The following PLB1 variants were observed in gnomAD, a reference collection of about 807,000 sequenced individuals.
PLB1 encodes the protein phospholipase B1, membrane-associated.
A neutral mutation model predicts 227.4 loss-of-function variants in PLB1; 242 were observed. The observed-to-expected ratio is 1.06, with a 90% CI of 0.96 to 1.18. PLB1 has a LOEUF of 1.18. Among genes scored for constraint, PLB1 ranks in the 50% most tolerant of loss-of-function variants. The probability of loss-of-function intolerance (pLI) is 0.00; values close to 1 mark genes in which losing one functional copy is unlikely to be tolerated. For synonymous variants in PLB1, 757 were observed against 682.2 expected (o/e 1.11, Z -1.71); for missense variants, 1,858 against 1,816.3 (o/e 1.02, Z -0.42).
rs1690161085 is a variant in PLB1 at position 28,643,187 on chromosome 2, C to T, written c.*126C>T. 2.3e-6 allele frequency: 2 copies of T among 882,982 alleles called. No homozygotes were observed. The highest frequency in any genetic ancestry group is 3.4e-6 in the Non-Finnish European group (2 of 592,826). The allele number at this position is 882,982 out of a possible 1,614,324, so 54.7% of individuals were successfully genotyped here. ...TGCCATAGGAAGCCCAGGGGACAGT[C>T]ACAACTTCTTGGGGCCTGGGCTTCT... On this transcript the variant is annotated 3_prime_UTR_variant, in exon 58 of 58. Transcript: ENST00000327757.
chr2:28,634,044 T>TA (rs1689011908), intron 56 of PLB1, among the ~76,000 whole-genome samples: 1 of 152,218 alleles, frequency 6.6e-6, no homozygotes, highest in South Asian at 2.1e-4. Flanking sequence ...TCTCCTTAGC[T>TA]ATACCATCTC....
chr2:28,498,050 C>T (rs921854420), intron 1 of PLB1, among the ~76,000 whole-genome samples: 1 of 151,586 alleles, frequency 6.6e-6, no homozygotes, highest in African/African-American at 2.4e-5. Flanking sequence ...TTTAAATCTT[C>T]CTTTATGGTT....
chr2:28,518,639 C>A, intron 3 of PLB1, 107 bp downstream of exon 3: 1 of 756,562 alleles, frequency 1.3e-6, no homozygotes, highest in South Asian at 1.6e-5. Flanking sequence ...CCTTCAAGTC[C>A]TCCTCTTCCT....
chr2:28,594,312 G>A (rs899630408), intron 33 of PLB1: 16 of 249,276 alleles, frequency 6.4e-5, no homozygotes, highest in African/African-American at 2.2e-5. Flanking sequence ...CCCGAACACG[G>A]AAGTGGAGAA....
At chr2:28,531,100 C>T (rs1670949443) in intron 8 of PLB1, among the ~76,000 whole-genome samples, 1 of 152,156 alleles carries the variant, frequency 6.6e-6, no homozygotes, top group Non-Finnish European at 1.5e-5. Flanking sequence ...TTTCTGGTTA[C>T]ACAAGAAATG....
At chr2:28,528,170 C>T (rs1034929057) in intron 6 of PLB1, among the ~76,000 whole-genome samples, 3 of 152,222 alleles carry the variant, frequency 2.0e-5, no homozygotes, top group Non-Finnish European at 2.9e-5. Flanking sequence ...GCTCTCCCAC[C>T]CGCACCCTGC....
At chr2:28,517,575 C>T (rs1056673328) in intron 2 of PLB1, among the ~76,000 whole-genome samples, 1 of 152,046 alleles carries the variant, frequency 6.6e-6, no homozygotes. Flanking sequence ...AACAAATAAA[C>T]ATAATGCCTC....
intron 21 of PLB1, among the ~76,000 whole-genome samples, chr2:28,576,140 A>C (rs1678887785): frequency 6.6e-6 from 1 of 152,202 alleles, no homozygotes; most frequent in Non-Finnish European, 1.5e-5. Context: ...TCTTTCATGC[A>C]AGCAATCCAA....
At chr2:28,574,885 T>C (rs1678667877) in intron 21 of PLB1, among the ~76,000 whole-genome samples, 1 of 152,234 alleles carries the variant, frequency 6.6e-6, no homozygotes, top group South Asian at 2.1e-4. Flanking sequence ...CCATGGTGTA[T>C]ATATACCACA....
intron 41 of PLB1, among the ~76,000 whole-genome samples, chr2:28,605,569 C>G (rs548531619): frequency 4.6e-5 from 7 of 152,122 alleles, no homozygotes; most frequent in African/African-American, 1.7e-4. Flanking sequence ...GGCATGGCCT[C>G]GGGCATTACA....
intron 56 of PLB1, among the ~76,000 whole-genome samples, chr2:28,640,284 C>T (rs563564429): frequency 3.3e-5 from 5 of 152,198 alleles, no homozygotes; most frequent in East Asian, 3.9e-4. Context: ...TAAAAGGTGC[C>T]GGGGAGGGGG....
chr2:28,509,078 A>T (rs1667947320), intron 1 of PLB1, among the ~76,000 whole-genome samples: 1 of 152,166 alleles, frequency 6.6e-6, no homozygotes, highest in Non-Finnish European at 1.5e-5. Flanking sequence ...CATTTTATAG[A>T]TGAGGAAGTC....
rs555805562 is a variant in PLB1, at chr2:28,498,008, C to T, written c.55+1839C>T. On this transcript the variant is annotated intron_variant, in intron 1 of 57. Transcript: ENST00000327757. ...AGCTGGGATTACAGGTGTGAGCCAC[C>T]GTGCCCGGCCTTTATTCTTAAGTAT... Among the ~76,000 whole-genome samples the T allele has an allele frequency of 9.9e-4, 151 of 151,832 alleles. 2 individuals carry two copies. The highest frequency in any genetic ancestry group is 6.8e-3 in the Middle Eastern group (2 of 292).
rs548429504 is a variant in PLB1, at chr2:28,601,069, C to T, written c.2527-183C>T. On this transcript the variant is annotated intron_variant, in intron 36 of 57. Coordinates refer to ENST00000327757, the MANE Select transcript of PLB1 (RefSeq NM_153021.5). Reference sequence around the variant, plus strand: ...TGCTGGGTACAGCGACACTGAAAATCCCTCCTGATGCTAAGAGTCTGTGGT... The same window carrying T: ...TGCTGGGTACAGCGACACTGAAAATTCCTCCTGATGCTAAGAGTCTGTGGT... Among the ~76,000 whole-genome samples the T allele has an allele frequency of 6.0e-4, 92 of 152,180 alleles. No individual in the cohort carries two copies. In the South Asian group the frequency reaches 9.1e-3, roughly 15 times the overall value.
At chr2:28,575,064 T>C (rs1405635534) in intron 21 of PLB1, among the ~76,000 whole-genome samples, 4 of 152,246 alleles carry the variant, frequency 2.6e-5, no homozygotes, top group Non-Finnish European at 5.9e-5. Context: ...ATGGTGGTTC[T>C]ACTTTCAGTC....
At chr2:28,573,756 G>A (rs1004231117) in intron 21 of PLB1, among the ~76,000 whole-genome samples, 2 of 152,178 alleles carry the variant, frequency 1.3e-5, no homozygotes, top group African/African-American at 4.8e-5. Flanking sequence ...TACGAGCCCG[G>A]TTTCCTCCCT....
intron 52 of PLB1, 108 bp downstream of exon 52, chr2:28,628,736 T>G: frequency 9.1e-7 from 1 of 1,098,976 alleles, no homozygotes; most frequent in Non-Finnish European, 1.4e-6. Context: ...CCGCCATGAG[T>G]GAGCACCTGG....
intron 1 of PLB1, among the ~76,000 whole-genome samples, chr2:28,513,034 C>T (rs1165759337): frequency 1.3e-5 from 2 of 152,152 alleles, no homozygotes; most frequent in Non-Finnish European, 2.9e-5. Flanking sequence ...GGGTACAAAA[C>T]ATGAGCTGGA....
chr2:28,500,751 AAAAAG>A (rs60094661), intron 1 of PLB1, among the ~76,000 whole-genome samples: 1,609 of 152,260 alleles, frequency 0.011, 43 homozygotes, highest in East Asian at 0.1. Context: ...GTCTCCAAAA[AAAAAG>A]AAAAGAAAAG....
Sources: gnomAD v4.1 joint callset for allele counts (sites outside exome capture counted in the v4.1 genomes callset) on GRCh38, gnomAD v4.1.1 for gene constraint, MANE v1.5 for transcripts, NCBI Gene and HGNC (gene_info 2026-07-23, HGNC 2026-07-21) for gene names.